Variants in OSBPL10 observed in about 807,000 individuals in gnomAD.
OSBPL10 encodes the protein oxysterol-binding protein-related protein 10.
OSBPL10 carries 49 observed loss-of-function variants against 81.7 expected under a neutral mutation model. The observed-to-expected ratio is 0.60, with a 90% CI of 0.48 to 0.76. OSBPL10 has a LOEUF of 0.76. Among genes scored for constraint, OSBPL10 ranks in the 30% least tolerant of loss-of-function variants. The pLI, the probability that OSBPL10 is intolerant of heterozygous loss-of-function variation, is 0.00. For synonymous variants in OSBPL10, 419 were observed against 383.6 expected, an observed-to-expected ratio of 1.09 and a Z score of -1.08; for missense variants, 923 against 987.8, an observed-to-expected ratio of 0.93 and a Z score of 0.88.
intron 1 of OSBPL10, among the ~76,000 whole-genome samples, chr3:31,920,231 TG>T (rs1453488903): frequency 6.6e-6 from 1 of 152,202 alleles, no homozygotes; most frequent in African/African-American, 2.4e-5. Flanking sequence ...ACTGTATTGG[TG>T]GATATGTGAC....
intron 1 of OSBPL10, among the ~76,000 whole-genome samples, chr3:31,913,755 G>T (rs771096669): frequency 6.6e-6 from 1 of 152,172 alleles, no homozygotes. Flanking sequence ...GACAAGAAGC[G>T]TTTTTTCAGT....
intron 3 of OSBPL10, among the ~76,000 whole-genome samples, chr3:31,851,858 C>T (rs922364295): frequency 1.3e-5 from 2 of 152,194 alleles, no homozygotes; most frequent in African/African-American, 2.4e-5. Context: ...AGCTTTGCTG[C>T]TAAAACATCT....
At chr3:31,994,868 G>C (rs527322343) in intron 2 of OSBPL10, among the ~76,000 whole-genome samples, 1 of 152,208 alleles carries the variant, frequency 6.6e-6, no homozygotes, top group African/African-American at 2.4e-5. Context: ...CTAAGTGTCG[G>C]CTGGTCTGAG....
chr3:32,050,147 T>G (rs1056657200), intron 1 of OSBPL10, among the ~76,000 whole-genome samples: 1 of 152,206 alleles, frequency 6.6e-6, no homozygotes, highest in Middle Eastern at 3.2e-3. Context: ...TTTCTCTTGA[T>G]CTTCGCCATC....
chr3:31,761,913 G>T (rs989212298), intron 4 of OSBPL10, among the ~76,000 whole-genome samples: 2 of 151,982 alleles, frequency 1.3e-5, no homozygotes, highest in African/African-American at 2.4e-5. Flanking sequence ...CCAGCACATG[G>T]GGGTGTGATG....
At chr3:31,777,608 T>A (rs756864333) in intron 4 of OSBPL10, among the ~76,000 whole-genome samples, 8 of 152,012 alleles carry the variant, frequency 5.3e-5, no homozygotes, top group Non-Finnish European at 1.2e-4. Context: ...ACTAGGAAAA[T>A]CAAAAGAATT....
chr3:31,876,314 C>T, intron 3 of OSBPL10, 119 bp downstream of exon 3: 1 of 782,440 alleles, frequency 1.3e-6, no homozygotes, highest in Non-Finnish European at 2.2e-6. Flanking sequence ...GTAGGAATTC[C>T]ACTGCAGTGG....
chr3:31,674,571 CAGATAGATAGATTAGATAGAT>C (rs1406641818), intron 8 of OSBPL10, among the ~76,000 whole-genome samples: 1 of 147,054 alleles, frequency 6.8e-6, no homozygotes, highest in Non-Finnish European at 1.5e-5. Flanking sequence ...AATAGATAGA[CAGATAGATAGATTAGATAGAT>C]AGATAGATAG....
intron 1 of OSBPL10, among the ~76,000 whole-genome samples, chr3:31,959,762 A>G (rs563719040): frequency 7.9e-5 from 12 of 152,272 alleles, no homozygotes; most frequent in Admixed American, 2.0e-4. Flanking sequence ...AATGTCATCT[A>G]TTTGAGGCAG....
Position 31,793,809 on chromosome 3 carries a change from T to C in OSBPL10, c.729+36231A>G, listed in dbSNP as rs898282655. ...GTTTAGATATACAGTTGGCCCTTCT[T>C]ATCTGTGAACTCCACATCTATAGGT... On this transcript the variant is annotated intron_variant, in intron 4 of 11. Transcript: ENST00000396556. Among the ~76,000 whole-genome samples the C allele has an allele frequency of 5.3e-5, 8 of 152,360 alleles. No homozygotes were observed. In the East Asian group the frequency reaches 1.2e-3, roughly 22 times the overall value.
chr3:32,066,181 G>A lies in OSBPL10; in HGVS notation n.185+11215C>T, dbSNP rs866799904. Among the ~76,000 whole-genome samples the A allele has an allele frequency of 3.1e-3, 223 of 72,394 alleles. 83 individuals are homozygous for A. The highest frequency in any genetic ancestry group is 0.027 in the South Asian group (43 of 1,588). The allele number at this position is 72,394 out of a possible 152,430, so 47.5% of individuals were successfully genotyped here. ...GGAAGAAAGGAAGGAAGGAAGGAAGGAAGGAAGGAAGGAAGGAAGGAAGGA... is the reference window on the plus strand; with the variant it reads ...GGAAGAAAGGAAGGAAGGAAGGAAGAAAGGAAGGAAGGAAGGAAGGAAGGA... On this transcript the variant is annotated intron_variant and non_coding_transcript_variant, in intron 1 of 3. Coordinates refer to the OSBPL10 transcript ENST00000479173.
At chr3:31,850,425 AAT>A (rs1700735863) in intron 3 of OSBPL10, among the ~76,000 whole-genome samples, 1 of 152,192 alleles carries the variant, frequency 6.6e-6, no homozygotes, top group Non-Finnish European at 1.5e-5. Flanking sequence ...GAAAATATAA[AAT>A]ATGACCCCAC....
intron 6 of OSBPL10, chr3:31,704,322 C>T (rs938461426): frequency 6.6e-6 from 1 of 152,392 alleles, no homozygotes; most frequent in Non-Finnish European, 1.5e-5. Flanking sequence ...AGAGCTCAGA[C>T]ACAAATCCCT....
chr3:31,990,004 A>G, intron 2 of OSBPL10: 1 of 1,614,188 alleles, frequency 6.2e-7, no homozygotes, highest in Non-Finnish European at 8.5e-7. Flanking sequence ...TAGACTTCAT[A>G]CTGGAGAGAA....
intron 2 of OSBPL10, among the ~76,000 whole-genome samples, chr3:31,996,103 C>T (rs949239760): frequency 2.4e-4 from 37 of 152,266 alleles, no homozygotes; most frequent in East Asian, 1.4e-3. Flanking sequence ...TGACTGGATG[C>T]CATTTAAACG....
chr3:31,786,759 A>G (rs181773644), intron 4 of OSBPL10, among the ~76,000 whole-genome samples: 1 of 152,286 alleles, frequency 6.6e-6, no homozygotes, highest in East Asian at 1.9e-4. Flanking sequence ...GCACTTTAAA[A>G]GTTTTGGTTT....
At chr3:31,713,460 G>T (rs888601105) in intron 6 of OSBPL10, among the ~76,000 whole-genome samples, 1 of 151,532 alleles carries the variant, frequency 6.6e-6, no homozygotes, top group African/African-American at 2.4e-5. Flanking sequence ...GCAGCGGTGT[G>T]ATCTTGGCTC....
chr3:31,756,121 C>G (rs911657109), intron 4 of OSBPL10, among the ~76,000 whole-genome samples: 6 of 152,178 alleles, frequency 3.9e-5, no homozygotes, highest in Admixed American at 6.5e-5. Context: ...AACCTGAGTT[C>G]AGAGAAGCTG....
At position 31,981,207 on chromosome 3, in the gene OSBPL10, C is replaced by T; in HGVS notation, c.-28G>A. The stretch of plus-strand genomic sequence containing the variant: ...TCCGTGGGCGCCCGGGACGCGGGTG[C>T]CCGCCGCGGTGGCGGCCCCGGCACG... On this transcript the variant is annotated 5_prime_UTR_variant, in exon 1 of 12. Coordinates refer to ENST00000396556, the MANE Select transcript of OSBPL10 (RefSeq NM_017784.5). This position sits in a 1 kb window ranked among gnomAD's most constrained non-coding sequence, Gnocchi z 4.5. 7.3e-7 allele frequency: 1 copy of T among 1,374,522 alleles called. No individual in the cohort carries two copies. Among genetic ancestry groups the T allele is most frequent in the Non-Finnish European group, 9.3e-7 (1 of 1,071,094 alleles). 85.1% of individuals were successfully genotyped at this position (1,374,522 alleles called of 1,614,324 possible).
Sources: gnomAD v4.1 joint callset for allele counts (sites outside exome capture counted in the v4.1 genomes callset) on GRCh38, gnomAD v4.1.1 for gene constraint, Gnocchi (gnomAD v3.1) non-coding constraint, MANE v1.5 for transcripts, NCBI Gene and HGNC (gene_info 2026-07-23, HGNC 2026-07-21) for gene names.